Variants in PLAC9 observed in about 807,000 individuals in gnomAD.
PLAC9 encodes the protein placenta-specific protein 9.
In PLAC9, 12 loss-of-function variants were observed where a neutral mutation model predicts 11.5. The observed-to-expected ratio is 1.05, with a 90% CI of 0.67 to 1.69. The LOEUF (loss-of-function observed/expected upper bound fraction) is 1.69. Ranked by LOEUF, PLAC9 falls within the 40% of genes most tolerant of loss-of-function variation. The pLI is 0.00. For missense variants in PLAC9, 132 were observed against 130.5 expected (o/e 1.01, Z -0.06); for synonymous variants, 62 against 58.1 (o/e 1.07, Z -0.31).
intron 2 of PLAC9, among the ~76,000 whole-genome samples, chr10:80,143,389 ATTTTTTT>A (rs560963413): frequency 0.011 from 1,001 of 89,942 alleles, 20 homozygotes; most frequent in African/African-American, 0.042. Context: ...AAATACTTGA[ATTTTTTT>A]TTTTTTTTTT....
In PLAC9 at chr10:80,136,575, G is replaced by T. The variant is rs147929840; in HGVS notation, c.64+3749G>T. ...TAGTCTCAAACTCCTGGGCTCAAGCGATTCTCCCGCCTCAGCTTTCCAAAT... is the reference window on the plus strand; with the variant it reads ...TAGTCTCAAACTCCTGGGCTCAAGCTATTCTCCCGCCTCAGCTTTCCAAAT... On this transcript the variant is annotated intron_variant, in intron 1 of 3. Transcript: ENST00000372263. Among the ~76,000 whole-genome samples, 1,284 of 152,134 alleles carry T rather than the reference G, an allele frequency of 8.4e-3. 21 individuals carry two copies. The highest frequency in any genetic ancestry group is 0.029 in the African/African-American group (1,221 of 41,520).
chr10:80,132,518 G>T (rs1844923655), upstream of PLAC9: 3 of 427,242 alleles, frequency 7.0e-6, no homozygotes, highest in Non-Finnish European at 1.2e-5. Flanking sequence ...TCGGGGGGCG[G>T]CCCCTTCCTC....
At chr10:80,144,811 GAGGGA>G (rs913691340) in intron 3 of PLAC9, 84 bp from the exon 4 acceptor site, 1 of 1,340,414 alleles carries the variant, frequency 7.5e-7, no homozygotes, top group Non-Finnish European at 1.0e-6. Context: ...GGGGGCCGGG[GAGGGA>G]AGGGAAGGAA....
intron 1 of PLAC9, among the ~76,000 whole-genome samples, chr10:80,134,572 T>C (rs748673201): frequency 6.6e-6 from 1 of 152,154 alleles, no homozygotes; most frequent in South Asian, 2.1e-4. Flanking sequence ...CCTGGCATCA[T>C]GTATTTTCAT....
intron 1 of PLAC9, among the ~76,000 whole-genome samples, chr10:80,138,750 G>T (rs1220933371): frequency 1.3e-5 from 2 of 152,098 alleles, no homozygotes; most frequent in Non-Finnish European, 2.9e-5. Context: ...CTCAAGACCT[G>T]CCCCACTTCT....
At chr10:80,132,659 A>C (rs1844925361), upstream of PLAC9, 2 of 960,668 alleles carry the variant, frequency 2.1e-6, no homozygotes, top group Non-Finnish European at 2.9e-6. Context: ...GCCGCCCAGG[A>C]ATTTTGGCTC....
rs1187113943 is a variant in PLAC9 at position 80,145,094 on chromosome 10, C to T, written c.*184C>T. Reference sequence around the variant, plus strand: ...AGCCTCCTCTCACTCCACTTCCATGCCTGGAGGAAGCCTGCAACCCCCTCC... The same window carrying T: ...AGCCTCCTCTCACTCCACTTCCATGTCTGGAGGAAGCCTGCAACCCCCTCC... On this transcript the variant is annotated 3_prime_UTR_variant, in exon 4 of 4. Coordinates refer to ENST00000372263, the MANE Select transcript of PLAC9 (RefSeq NM_001012973.3). 16 of 813,290 alleles carry T rather than the reference C, an allele frequency of 2.0e-5. No individual in the cohort carries two copies. The highest frequency in any genetic ancestry group is 3.1e-5 in the Non-Finnish European group (15 of 489,048). The allele number at this position is 813,290 out of a possible 1,614,324, so 50.4% of individuals were successfully genotyped here.
intron 1 of PLAC9, among the ~76,000 whole-genome samples, chr10:80,133,858 C>T (rs1313272163): frequency 6.7e-6 from 1 of 149,592 alleles, no homozygotes; most frequent in East Asian, 2.0e-4. Flanking sequence ...GCAGGAGAAT[C>T]ACTTGAACCT....
intron 1 of PLAC9, among the ~76,000 whole-genome samples, chr10:80,137,840 G>A (rs552850213): frequency 1.1e-4 from 17 of 151,912 alleles, no homozygotes; most frequent in African/African-American, 2.7e-4. Context: ...GCTTGAACCC[G>A]GGAAGAAGAG....
At chr10:80,142,839 C>A (rs1275084403) in intron 2 of PLAC9, among the ~76,000 whole-genome samples, 3 of 152,072 alleles carry the variant, frequency 2.0e-5, no homozygotes, top group African/African-American at 7.2e-5. Context: ...CCACCTCAGT[C>A]TCCCAAGTAG....
intron 1 of PLAC9, among the ~76,000 whole-genome samples, chr10:80,138,602 A>G (rs1845004242): frequency 6.6e-6 from 1 of 152,188 alleles, no homozygotes; most frequent in African/African-American, 2.4e-5. Flanking sequence ...AGAAAATCAC[A>G]GGGCAGGGGG....
rs554626593 is a variant in PLAC9, at chr10:80,137,642, C to T, written c.65-4440C>T. On this transcript the variant is annotated intron_variant, in intron 1 of 3. Transcript: ENST00000372263. ...AAAATTTGGAGTCCCAGACTGGGTG[C>T]GGTTGTTCACTCCTATAATCCCAGC... 2.0e-5 allele frequency among the ~76,000 whole-genome samples: 3 copies of T among 152,266 alleles called. No individual in the cohort carries two copies. The South Asian group carries it at 6.2e-4, about 32-fold the overall frequency.
At chr10:80,134,998 C>T (rs930959959) in intron 1 of PLAC9, among the ~76,000 whole-genome samples, 3 of 130,020 alleles carry the variant, frequency 2.3e-5, no homozygotes, top group Admixed American at 1.7e-4. Context: ...AACTTCCAAC[C>T]TTGGTTTGTT....
At chr10:80,144,365 G>A (rs1343998381) in intron 3 of PLAC9, 22 bp downstream of exon 3, 1 of 1,574,900 alleles carries the variant, frequency 6.3e-7, no homozygotes, top group Non-Finnish European at 8.6e-7. Flanking sequence ...AGGTGGCAGA[G>A]GACAGCCTCT....
At chr10:80,136,648 A>T (rs1235172787) in intron 1 of PLAC9, among the ~76,000 whole-genome samples, 4 of 140,252 alleles carry the variant, frequency 2.9e-5, no homozygotes, top group African/African-American at 5.6e-5. Context: ...ATTTTTTTTT[A>T]ATTTTTATTT....
At chr10:80,139,687 G>T (rs1054811441) in intron 1 of PLAC9, among the ~76,000 whole-genome samples, 2 of 152,146 alleles carry the variant, frequency 1.3e-5, no homozygotes, top group Non-Finnish European at 2.9e-5. Flanking sequence ...AAAAAAAAGT[G>T]GGGAGGGGGG....
At chr10:80,138,951 CTTTTTT>C (rs773767546) in intron 1 of PLAC9, among the ~76,000 whole-genome samples, 40 of 131,314 alleles carry the variant, frequency 3.0e-4, no homozygotes, top group Non-Finnish European at 6.0e-4. Flanking sequence ...TGCAATATTC[CTTTTTT>C]TTTTTTTTTT....
At chr10:80,141,229 C>T (rs1264017382) in intron 1 of PLAC9, among the ~76,000 whole-genome samples, 1 of 152,166 alleles carries the variant, frequency 6.6e-6, no homozygotes, top group African/African-American at 2.4e-5. Flanking sequence ...AACCTCCTGC[C>T]TTCAAAGGCA....
At chr10:80,141,206 T>G (rs2819876) in intron 1 of PLAC9, among the ~76,000 whole-genome samples, 72,715 of 151,908 alleles carry the variant, frequency 0.48, 18,105 homozygotes, top group Admixed American at 0.61. Context: ...CCTCTTATCC[T>G]GATTGCTGCA....
Sources: gnomAD v4.1 joint callset for allele counts (sites outside exome capture counted in the v4.1 genomes callset) on GRCh38, gnomAD v4.1.1 for gene constraint, MANE v1.5 for transcripts, NCBI Gene and HGNC (gene_info 2026-07-23, HGNC 2026-07-21) for gene names.